CYP4F8: variants seen among roughly 807,000 people sequenced by gnomAD.
The protein encoded by CYP4F8 is cytochrome P450 4F8.
CYP4F8 carries 56 observed loss-of-function variants against 55.0 expected under a neutral mutation model. That is an observed-to-expected ratio of 1.02 (90% CI 0.82 to 1.27). The LOEUF (loss-of-function observed/expected upper bound fraction) is 1.27. Ranked by LOEUF, CYP4F8 falls within the 50% of genes most tolerant of loss-of-function variation. The pLI, the probability that CYP4F8 is intolerant of heterozygous loss-of-function variation, is 0.00. For synonymous variants in CYP4F8, 288 were observed against 267.3 expected, an observed-to-expected ratio of 1.08 and a Z score of -0.76; for missense variants, 680 against 682.4, an observed-to-expected ratio of 1.00 and a Z score of 0.04.
intron 2 of CYP4F8, among the ~76,000 whole-genome samples, chr19:15,617,483 CATCTATCTATCTATCT>C (rs71176449): frequency 0.05 from 7,466 of 149,648 alleles, 209 homozygotes; most frequent in African/African-American, 0.073. Flanking sequence ...TCAATATCTA[CATCTATCTATCTATCT>C]ATCTATCTAT....
chr19:15,618,097 T>C lies in CYP4F8; in HGVS notation c.296T>C (p.Ile99Thr). Reference protein sequence around the residue: ...VRWLGPITPIINLCHPDIVRS... With the variant: ...VRWLGPITPITNLCHPDIVRS... ...TGGTTGGGCCCCATCACTCCCATCA[T>C]CAACTTGTGCCACCCTGACATCGTC... Residue 99 changes from isoleucine (I) to threonine (T), a missense_variant, in exon 3 of 13, where the codon ATC becomes ACC. Physicochemically the swap from Ile to Thr is moderately conservative, Grantham distance 89. Transcript: ENST00000612078. 1 of 1,614,062 alleles carries C rather than the reference T, an allele frequency of 6.2e-7. No individual in the cohort carries two copies. Among genetic ancestry groups the C allele is most frequent in the African/African-American group, 1.3e-5 (1 of 75,022 alleles).
Position 15,628,805 on chromosome 19 carries a change from G to T in CYP4F8, c.1359G>T (p.Arg453Ser). Reference protein sequence around the residue: ...FRFDPENAQKRSPMAFIPFSA... With the variant: ...FRFDPENAQKSSPMAFIPFSA... ...TCGACCCAGAAAACGCCCAGAAGAGGTCACCTATGGCTTTTATTCCTTTCT... is the reference window on the plus strand; with the variant it reads ...TCGACCCAGAAAACGCCCAGAAGAGTTCACCTATGGCTTTTATTCCTTTCT... Residue 453 changes from arginine (R) to serine (S), a missense_variant, in exon 12 of 13, where the codon AGG becomes AGT. Physicochemically the swap from Arg to Ser is moderately radical, Grantham distance 110. Coordinates refer to ENST00000612078, the MANE Select transcript of CYP4F8 (RefSeq NM_007253.4). 1 of 1,610,332 alleles carries T rather than the reference G, an allele frequency of 6.2e-7. No individual in the cohort carries two copies. The highest frequency in any genetic ancestry group is 8.5e-7 in the Non-Finnish European group (1 of 1,178,572).
chr19:15,621,445 G>A (rs1972192496), intron 5 of CYP4F8, among the ~76,000 whole-genome samples: 1 of 152,214 alleles, frequency 6.6e-6, no homozygotes, highest in Admixed American at 6.5e-5. Flanking sequence ...AGAATTGCTT[G>A]AACCCAGCAG....
chr19:15,619,011 T>A (rs1972159163), intron 3 of CYP4F8: 1 of 174,834 alleles, frequency 5.7e-6, no homozygotes, highest in African/African-American at 2.4e-5. Flanking sequence ...TCTCTATGGG[T>A]GCTGAGGTGT....
intron 11 of CYP4F8, 22 bp downstream of exon 11, chr19:15,628,617 C>G: frequency 6.2e-7 from 1 of 1,612,042 alleles, no homozygotes. Flanking sequence ...CCCTGTTTCT[C>G]CATCCCCCGG....
At chr19:15,624,682 T>C (rs1972240041) in intron 9 of CYP4F8, among the ~76,000 whole-genome samples, 1 of 152,150 alleles carries the variant, frequency 6.6e-6, no homozygotes, top group Non-Finnish European at 1.5e-5. Context: ...ATTTTGAGAA[T>C]ACCAAATTTC....
chr19:15,617,908 C>T, intron 2 of CYP4F8, 92 bp from the exon 3 acceptor site: 5 of 1,466,192 alleles, frequency 3.4e-6, no homozygotes, highest in Non-Finnish European at 4.6e-6. Flanking sequence ...CTCTCACAGA[C>T]ATACCCAGAA....
chr19:15,617,423 C>T (rs1972136560), intron 2 of CYP4F8, among the ~76,000 whole-genome samples: 1 of 152,146 alleles, frequency 6.6e-6, no homozygotes, highest in Non-Finnish European at 1.5e-5. Flanking sequence ...TGCTGTGGCT[C>T]CTCCTGGGAA....
chr19:15,625,502 A>G (rs1972251834), intron 9 of CYP4F8, among the ~76,000 whole-genome samples: 2 of 151,588 alleles, frequency 1.3e-5, no homozygotes, highest in Admixed American at 6.6e-5. Context: ...ATGTATATAT[A>G]TGGTTTTATT....
At chr19:15,616,372 A>G (rs1972122595) in intron 2 of CYP4F8, among the ~76,000 whole-genome samples, 1 of 151,766 alleles carries the variant, frequency 6.6e-6, no homozygotes, top group African/African-American at 2.4e-5. Flanking sequence ...GTCTAGGGGA[A>G]GTCACCCCTA....
At position 15,615,249 on chromosome 19, in the gene CYP4F8, G is replaced by A. The variant is rs533166166; in HGVS notation, c.-33G>A. The A allele has an allele frequency of 7.1e-5, 12 of 168,556 alleles. No homozygotes were observed. The highest frequency in any genetic ancestry group is 2.6e-4 in the African/African-American group (11 of 41,932). The allele number at this position is 168,556 out of a possible 1,614,324, so 10.4% of individuals were successfully genotyped here. A position where few individuals can be genotyped will look rare whatever the true frequency, so the allele number is the denominator to read the frequency against. ...AACCTCCTGGCAAAGGAGGAGAGGAGGTTGTGCGGGACAACCTTCTCCTGA... is the reference window on the plus strand; with the variant it reads ...AACCTCCTGGCAAAGGAGGAGAGGAAGTTGTGCGGGACAACCTTCTCCTGA... On this transcript the variant is annotated 5_prime_UTR_variant, in exon 1 of 13. Transcript: ENST00000612078.
chr19:15,628,471 G>A lies in CYP4F8; in HGVS notation c.1249+36G>A. ...TGGCAGGGGAGGAGGGTCCTGGGCA[G>A]GGCGGTGGTCCCAGCAGGCAGCTCG... On this transcript the variant is annotated intron_variant, in intron 10 of 12. Coordinates refer to ENST00000612078, the MANE Select transcript of CYP4F8 (RefSeq NM_007253.4). 2.5e-6 allele frequency: 4 copies of A among 1,613,524 alleles called. No individual in the cohort carries two copies. The African/African-American group carries it at 4.0e-5, about 16-fold the overall frequency.
At chr19:15,622,464 C>A in intron 6 of CYP4F8, 124 bp downstream of exon 6, 2 of 1,326,196 alleles carry the variant, frequency 1.5e-6, no homozygotes, top group South Asian at 1.4e-5. Context: ...CATTGAAGGA[C>A]AAAGAAGGAG....
Position 15,615,714 on chromosome 19 carries a change from G to A in CYP4F8, c.98G>A (p.Arg33His), listed in dbSNP as rs755993126. 17 of 1,613,972 alleles carry A rather than the reference G, an allele frequency of 1.1e-5. No individual in the cohort carries two copies. The highest frequency in any genetic ancestry group is 5.0e-5 in the Admixed American group (3 of 60,004). ...GTCGGGGCCTCCTGGCTCCTGGCCC[G>A]CATCCTGGCCTGGACCTATGCCTTC... ...LVVGASWLLA[R>H]ILAWTYAFYH... The change falls in exon 2 of 13, where the codon CGC (arginine) becomes CAC (histidine). Residue 33 changes from arginine (R) to histidine (H), a missense_variant. By Grantham distance (29) the Arg-to-His change is conservative. Coordinates refer to ENST00000612078, the MANE Select transcript of CYP4F8 (RefSeq NM_007253.4).
intron 3 of CYP4F8, chr19:15,618,370 G>C (rs752832093): frequency 1.4e-6 from 1 of 711,158 alleles, no homozygotes. Context: ...AACCACTGGG[G>C]CCCCGAGAAG....
At chr19:15,622,377 AGTGGGGGTGTGGGT>A in intron 6 of CYP4F8, 37 bp downstream of exon 6, 5 of 979,410 alleles carry the variant, frequency 5.1e-6, no homozygotes, top group Middle Eastern at 3.8e-4. Flanking sequence ...CATGGGATGG[AGTGGGGGTGTGGGT>A]GTGGGGAGAG....
At chr19:15,625,028 A>C (rs1972244130) in intron 9 of CYP4F8, among the ~76,000 whole-genome samples, 1 of 151,814 alleles carries the variant, frequency 6.6e-6, no homozygotes, top group Non-Finnish European at 1.5e-5. Flanking sequence ...TTTGTCACCA[A>C]ATTTATTAAT....
chr19:15,619,847 G>T (rs774330401), intron 5 of CYP4F8, 85 bp downstream of exon 5: 94 of 1,523,512 alleles, frequency 6.2e-5, no homozygotes, highest in Middle Eastern at 1.7e-4. Context: ...TGGCTCTCCT[G>T]GGTGGGTTTG....
At chr19:15,617,922 A>T in intron 2 of CYP4F8, 78 bp from the exon 3 acceptor site, 1 of 1,520,540 alleles carries the variant, frequency 6.6e-7, no homozygotes, top group African/African-American at 1.4e-5. Flanking sequence ...CCCAGAAATA[A>T]TGTTTGACTG....
Sources: allele counts gnomAD v4.1 joint callset (sites outside exome capture counted in the v4.1 genomes callset), GRCh38; gene constraint gnomAD v4.1.1; transcripts MANE v1.5; gene names NCBI Gene and HGNC (gene_info 2026-07-23, HGNC 2026-07-21).